Variants in IMMP2L observed in about 807,000 individuals in gnomAD.
IMMP2L encodes mitochondrial inner membrane protease subunit 2.
In IMMP2L, 18 loss-of-function variants were observed where a neutral mutation model predicts 19.3. The ratio of observed to expected loss-of-function variants is 0.93; its 90% confidence interval spans 0.64 to 1.38. IMMP2L has a LOEUF of 1.38. Ranked by LOEUF, IMMP2L falls within the 40% of genes most tolerant of loss-of-function variation. IMMP2L has a pLI of 0.00. For synonymous variants in IMMP2L, 76 were observed against 73.0 expected, an observed-to-expected ratio of 1.04 and a Z score of -0.21; for missense variants, 233 against 218.2, an observed-to-expected ratio of 1.07 and a Z score of -0.43.
intron 3 of IMMP2L, among the ~76,000 whole-genome samples, chr7:110,967,829 C>T (rs879167430): frequency 1.1e-4 from 16 of 151,832 alleles, no homozygotes; most frequent in African/African-American, 2.2e-4. Context: ...GAAAGTAGAA[C>T]GAAAAGTCCA....
intron 3 of IMMP2L, among the ~76,000 whole-genome samples, chr7:110,972,229 A>T (rs933462076): frequency 2.0e-5 from 3 of 152,028 alleles, no homozygotes; most frequent in Non-Finnish European, 4.4e-5. Context: ...TCACCTCTAA[A>T]AACAGCATTA....
intron 3 of IMMP2L, among the ~76,000 whole-genome samples, chr7:111,130,304 G>A (rs1206550953): frequency 6.6e-6 from 1 of 152,102 alleles, no homozygotes; most frequent in African/African-American, 2.4e-5. Flanking sequence ...ATTGAGAAGT[G>A]GCCCAGAGTA....
intron 5 of IMMP2L, among the ~76,000 whole-genome samples, chr7:110,730,303 T>C (rs11761884): frequency 1.9e-3 from 283 of 152,166 alleles, no homozygotes; most frequent in Non-Finnish European, 3.3e-3. Context: ...CAGAAGACAA[T>C]GGAAAGAGCA....
intron 3 of IMMP2L, among the ~76,000 whole-genome samples, chr7:111,032,195 C>T (rs907521341): frequency 6.6e-6 from 1 of 152,150 alleles, no homozygotes; most frequent in Non-Finnish European, 1.5e-5. Context: ...CCTATCTTGG[C>T]CTCCCACAGT....
At chr7:111,439,280 C>T (rs1408390502) in intron 3 of IMMP2L, among the ~76,000 whole-genome samples, 1 of 151,890 alleles carries the variant, frequency 6.6e-6, no homozygotes, top group Admixed American at 6.6e-5. Context: ...ATTCTAGTGG[C>T]CCAGTCTCAA....
chr7:110,918,379 A>T (rs1234279683), intron 4 of IMMP2L, among the ~76,000 whole-genome samples: 3 of 151,978 alleles, frequency 2.0e-5, no homozygotes, highest in Non-Finnish European at 4.4e-5. Context: ...AGCGTCTTTC[A>T]CCATAATCCC....
intron 3 of IMMP2L, among the ~76,000 whole-genome samples, chr7:111,069,734 T>C (rs1414272044): frequency 6.6e-6 from 1 of 152,132 alleles, no homozygotes; most frequent in Non-Finnish European, 1.5e-5. Flanking sequence ...TGGGGTGATC[T>C]GGAACTGGTC....
At chr7:110,813,780 C>G (rs967813647) in intron 5 of IMMP2L, among the ~76,000 whole-genome samples, 1 of 150,400 alleles carries the variant, frequency 6.6e-6, no homozygotes, top group Admixed American at 6.6e-5. Flanking sequence ...AAATACTGTC[C>G]TAGACTAATT....
At chr7:111,487,106 A>T (rs554629716) in intron 3 of IMMP2L, 132 bp downstream of exon 3, 145 of 451,630 alleles carry the variant, frequency 3.2e-4, no homozygotes, top group African/African-American at 2.3e-3. Context: ...TTGATTTTTT[A>T]AAAATGCATT....
At chr7:110,678,666 G>A (rs530740857) in intron 5 of IMMP2L, among the ~76,000 whole-genome samples, 121 of 152,202 alleles carry the variant, frequency 7.9e-4, no homozygotes, top group African/African-American at 2.7e-3. Context: ...CAAGTACCCC[G>A]AGAGCAGAGG....
chr7:110,914,860 T>G (rs894406641), intron 4 of IMMP2L, among the ~76,000 whole-genome samples: 4 of 152,130 alleles, frequency 2.6e-5, no homozygotes, highest in African/African-American at 9.7e-5. Flanking sequence ...TCAAAATCAC[T>G]AATCATCAAG....
chr7:110,712,385 G>T (rs1298153053), intron 5 of IMMP2L, among the ~76,000 whole-genome samples: 25 of 29,214 alleles, frequency 8.6e-4, no homozygotes, highest in African/African-American at 2.8e-3. Context: ...CTCCAGCTGC[G>T]TGCTGGGAGA....
chr7:111,299,293 T>C (rs1339745167), intron 3 of IMMP2L, among the ~76,000 whole-genome samples: 1 of 152,060 alleles, frequency 6.6e-6, no homozygotes, highest in Non-Finnish European at 1.5e-5. Context: ...TACCACAAAA[T>C]TGAAAGCTAC....
At chr7:110,672,764 C>T (rs1037860946) in intron 5 of IMMP2L, among the ~76,000 whole-genome samples, 4 of 152,140 alleles carry the variant, frequency 2.6e-5, no homozygotes, top group Non-Finnish European at 5.9e-5. Context: ...TCCTTTGACT[C>T]CATGTCTCAT....
chr7:111,418,368 T>C (rs1315948145), intron 3 of IMMP2L, among the ~76,000 whole-genome samples: 1 of 151,824 alleles, frequency 6.6e-6, no homozygotes, highest in Non-Finnish European at 1.5e-5. Context: ...TAATTAGTAA[T>C]CTCTATGTAT....
At chr7:111,415,392 C>T (rs1834867122) in intron 3 of IMMP2L, among the ~76,000 whole-genome samples, 1 of 151,718 alleles carries the variant, frequency 6.6e-6, no homozygotes. Context: ...AACTTGAGCA[C>T]AAAATTCAGC....
At chr7:110,968,943 C>A (rs1305600513) in intron 3 of IMMP2L, among the ~76,000 whole-genome samples, 2 of 151,912 alleles carry the variant, frequency 1.3e-5, no homozygotes, top group Non-Finnish European at 2.9e-5. Context: ...GAGTTACAAT[C>A]CTTTTTTAAG....
intron 4 of IMMP2L, among the ~76,000 whole-genome samples, chr7:110,943,538 A>T (rs1274675818): frequency 6.6e-6 from 1 of 151,954 alleles, no homozygotes; most frequent in East Asian, 1.9e-4. Context: ...TAGAAGCTTA[A>T]GATCCATCCC....
At chr7:111,369,811 C>T (rs1207050884) in intron 3 of IMMP2L, among the ~76,000 whole-genome samples, 1 of 151,820 alleles carries the variant, frequency 6.6e-6, no homozygotes, top group Admixed American at 6.6e-5. Flanking sequence ...CTATTTGTTA[C>T]CACCTCTCAC....
Sources: gnomAD v4.1 joint callset for allele counts (sites outside exome capture counted in the v4.1 genomes callset) on GRCh38, gnomAD v4.1.1 for gene constraint, MANE v1.5 for transcripts, NCBI Gene and HGNC (gene_info 2026-07-23, HGNC 2026-07-21) for gene names.